Variants in CASK observed in about 807,000 individuals in gnomAD.
The protein encoded by CASK is peripheral plasma membrane protein CASK.
A neutral mutation model predicts 82.9 loss-of-function variants in CASK; 4 were observed. The observed-to-expected ratio is 0.05, with a 90% CI of 0.02 to 0.11. The LOEUF is 0.11. Among genes scored for constraint, CASK ranks in the 10% least tolerant of loss-of-function variants. The pLI is 1.00. For missense variants in CASK, 358 were observed against 720.9 expected (o/e 0.50, Z 5.76); for synonymous variants, 259 against 253.5 (o/e 1.02, Z -0.20).
intron 8 of CASK, among the ~76,000 whole-genome samples, chrX:41,648,375 T>A (rs1006467066): frequency 9.0e-5 from 10 of 111,640 alleles, no homozygotes; most frequent in African/African-American, 1.6e-4. Flanking sequence ...GCAATTTTAA[T>A]TTCGCCTCAG....
chrX:41,854,209 C>CGTGCGG (rs1167330657), intron 1 of CASK, among the ~76,000 whole-genome samples: 1 of 88,180 alleles, frequency 1.1e-5, no homozygotes, highest in African/African-American at 4.3e-5. Context: ...AACATGCGCG[C>CGTGCGG]GCGCGCGGGC....
At chrX:41,707,523 CT>C (rs1389074659) in intron 5 of CASK, among the ~76,000 whole-genome samples, 2 of 111,964 alleles carry the variant, frequency 1.8e-5, no homozygotes, top group Non-Finnish European at 3.8e-5. Flanking sequence ...GCCACCAAGT[CT>C]AGGGGTAGTT....
At position 41,739,463 on chromosome X, in the gene CASK, AAAAC is replaced by A; in HGVS notation, c.357-11_357-8del. 1 of 1,099,133 alleles carries A rather than the reference AAAAC, an allele frequency of 9.1e-7. No individual in the cohort carries two copies. The highest frequency in any genetic ancestry group is 1.3e-6 in the Non-Finnish European group (1 of 793,617). The allele number at this position is 1,099,133 out of a possible 1,213,427, so 90.6% of individuals were successfully genotyped here. ...TATCTGTCTCATATAATGGCTGTAA[AAAAC>A]AAAAGAAATCTAAAAACTGTAAACA... On this transcript the variant is annotated splice_polypyrimidine_tract_variant and splice_region_variant and intron_variant, in intron 4 of 26. Coordinates refer to ENST00000378163, the MANE Select transcript of CASK (RefSeq NM_001367721.1).
chrX:41,699,561 T>C (rs752394362), intron 5 of CASK, among the ~76,000 whole-genome samples: 11 of 110,939 alleles, frequency 9.9e-5, no homozygotes, highest in African/African-American at 2.9e-4. Context: ...TGAAATTATA[T>C]TATCAATTAT....
intron 8 of CASK, among the ~76,000 whole-genome samples, chrX:41,650,695 TACTC>T (rs2066851835): frequency 9.1e-6 from 1 of 109,990 alleles, no homozygotes; most frequent in Non-Finnish European, 1.9e-5. Context: ...AGTAATTACT[TACTC>T]AGCCTCTCAA....
At chrX:41,618,362 T>C (rs1260995094) in intron 11 of CASK, among the ~76,000 whole-genome samples, 1 of 111,607 alleles carries the variant, frequency 9.0e-6, no homozygotes, top group East Asian at 2.8e-4. Flanking sequence ...TGTAGTGGCG[T>C]GATCCTGGCT....
At chrX:41,900,653 A>T (rs1377022451) in intron 1 of CASK, among the ~76,000 whole-genome samples, 1 of 37,907 alleles carries the variant, frequency 2.6e-5, no homozygotes, top group African/African-American at 1.1e-4. Flanking sequence ...TTGTTTGTGT[A>T]TTATTTTCCT....
rs1356438700 is a variant in CASK, at chrX:41,517,767, CAGT to C, written c.*2650_*2652del. ...TGCTTAGTGGACAATTGTAATGTAGCAGTAGCAGCAGCAGCAGCAGCAGCAGCA... is the reference window on the plus strand; with the variant it reads ...TGCTTAGTGGACAATTGTAATGTAGCAGCAGCAGCAGCAGCAGCAGCAGCA... On this transcript the variant is annotated 3_prime_UTR_variant, in exon 27 of 27. Transcript: ENST00000378163. 1.2e-3 allele frequency: 923 copies of C among 739,855 alleles called. 9 individuals are homozygous for C. The highest frequency in any genetic ancestry group is 1.6e-3 in the Non-Finnish European group (804 of 504,914). 61.0% of individuals were successfully genotyped at this position (739,855 alleles called of 1,213,427 possible).
intron 2 of CASK, among the ~76,000 whole-genome samples, chrX:41,814,960 C>T (rs1240255759): frequency 2.7e-5 from 3 of 111,014 alleles, no homozygotes; most frequent in African/African-American, 9.8e-5. Flanking sequence ...GAGAGCCTGG[C>T]TTCTTCCTGG....
At chrX:41,524,309 A>C (rs1602208381) in intron 25 of CASK, 1 of 320,467 alleles carries the variant, frequency 3.1e-6, no homozygotes, top group Admixed American at 5.0e-5. Flanking sequence ...AAAAGTTAAC[A>C]CTGATTATGT....
intron 5 of CASK, among the ~76,000 whole-genome samples, chrX:41,718,849 T>C (rs2068111048): frequency 9.0e-6 from 1 of 111,349 alleles, no homozygotes; most frequent in African/African-American, 3.3e-5. Flanking sequence ...AAAAGAGTCA[T>C]AGGGCTTTCT....
chrX:41,702,283 G>A (rs772015416), intron 5 of CASK, among the ~76,000 whole-genome samples: 10 of 110,709 alleles, frequency 9.0e-5, no homozygotes, highest in African/African-American at 3.3e-4. Context: ...TACTCGGGAG[G>A]CTGAGGCAGG....
At chrX:41,845,595 T>A (rs891578399) in intron 2 of CASK, among the ~76,000 whole-genome samples, 2 of 111,780 alleles carry the variant, frequency 1.8e-5, no homozygotes, top group African/African-American at 6.5e-5. Context: ...ATGTATTTTT[T>A]AAATCTGAAG....
intron 1 of CASK, among the ~76,000 whole-genome samples, chrX:41,865,688 G>A: frequency 1.8e-5 from 2 of 111,285 alleles, no homozygotes; most frequent in South Asian, 7.7e-4. Context: ...TTTTAGCAGG[G>A]TGGTCACCCT....
At chrX:41,680,924 A>T (rs5918224) in intron 5 of CASK, among the ~76,000 whole-genome samples, 16,950 of 111,182 alleles carry the variant, frequency 0.15, 986 homozygotes, top group Middle Eastern at 0.18. Context: ...TCAAAAAAAA[A>T]AAATAAATAA....
At chrX:41,829,693 CAA>C in intron 2 of CASK, among the ~76,000 whole-genome samples, 1 of 16,924 alleles carries the variant, frequency 5.9e-5, no homozygotes, top group Non-Finnish European at 1.1e-4. Flanking sequence ...TGCTAGGTCA[CAA>C]GATATATATA....
intron 15 of CASK, among the ~76,000 whole-genome samples, chrX:41,577,215 A>T: frequency 8.9e-6 from 1 of 111,909 alleles, no homozygotes; most frequent in Non-Finnish European, 1.9e-5. Flanking sequence ...GCTGTGCTTG[A>T]TCTTTGCTTC....
intron 1 of CASK, among the ~76,000 whole-genome samples, chrX:41,886,954 T>C (rs1204361368): frequency 9.0e-6 from 1 of 111,103 alleles, no homozygotes; most frequent in Non-Finnish European, 1.9e-5. Context: ...TACTAATCCA[T>C]AATGGCCACC....
chrX:41,558,071 C>A (rs935294102), intron 18 of CASK: 2 of 110,854 alleles, frequency 1.8e-5, no homozygotes, highest in African/African-American at 6.6e-5. Flanking sequence ...CAGGTGCCAC[C>A]CGCAGAGACT....
Sources: allele counts gnomAD v4.1 joint callset (sites outside exome capture counted in the v4.1 genomes callset), GRCh38; gene constraint gnomAD v4.1.1; transcripts MANE v1.5; gene names NCBI Gene and HGNC (gene_info 2026-07-23, HGNC 2026-07-21).